CNTN4: variants seen among roughly 807,000 people sequenced by gnomAD.
The protein encoded by CNTN4 is contactin-4.
CNTN4 carries 77 observed loss-of-function variants against 122.5 expected under a neutral mutation model. That is an observed-to-expected ratio of 0.63 (90% confidence interval 0.52 to 0.76). CNTN4 has a LOEUF of 0.76. Ranked by LOEUF, CNTN4 falls within the 30% of genes least tolerant of loss-of-function variation. CNTN4 has a pLI of 0.00. For missense variants in CNTN4, 1,256 were observed against 1,259.1 expected, an observed-to-expected ratio of 1.00 and a Z score of 0.04; for synonymous variants, 512 against 447.0, an observed-to-expected ratio of 1.15 and a Z score of -1.83.
intron 13 of CNTN4, among the ~76,000 whole-genome samples, chr3:2,938,976 C>A (rs937239902): frequency 6.6e-6 from 1 of 152,180 alleles, no homozygotes; most frequent in Non-Finnish European, 1.5e-5. Flanking sequence ...TTTGTGCCTT[C>A]TCAGTAGAGA....
At position 2,120,445 on chromosome 3, in the gene CNTN4, C is replaced by T. The variant is rs1376777481; in HGVS notation, c.-145+19806C>T. 1.3e-4 allele frequency among the ~76,000 whole-genome samples: 16 copies of T among 122,958 alleles called. 1 individual carries two copies. The highest frequency in any genetic ancestry group is 1.9e-4 in the African/African-American group (6 of 31,796). 80.7% of individuals were successfully genotyped at this position (122,958 alleles called of 152,430 possible). On this transcript the variant is annotated intron_variant, in intron 2 of 24. Coordinates refer to ENST00000418658, the MANE Select transcript of CNTN4 (RefSeq NM_175607.3). ...TTTATGCAGAGTCTCACTCTGTCGC[C>T]GAGGCTGGAATGCAGTGGCATGGTC...
chr3:2,254,688 C>G (rs1345537612), intron 2 of CNTN4, among the ~76,000 whole-genome samples: 1 of 152,150 alleles, frequency 6.6e-6, no homozygotes, highest in Non-Finnish European at 1.5e-5. Flanking sequence ...TAAATGTCTT[C>G]TTTTGAGAAG....
At position 3,043,657 on chromosome 3, in the gene CNTN4, G is replaced by A. The variant is rs1700363391; in HGVS notation, c.2764G>A (p.Asp922Asn). Reference sequence around the variant, plus strand: ...AGACTCCAAAATTATCCTGAATTGGGATCAAGTGAAGGCCCTGGATAATGA... The same window carrying A: ...AGACTCCAAAATTATCCTGAATTGGAATCAAGTGAAGGCCCTGGATAATGA... The part of the protein sequence containing the change: ...SSDSKIILNW[D>N]QVKALDNESE... Residue 922 changes from aspartate to asparagine, a missense_variant, in exon 23 of 25, where the codon GAT (aspartate) becomes AAT (asparagine). Transcript: ENST00000418658. The A allele has an allele frequency of 1.9e-6, 3 of 1,613,968 alleles. No individual in the cohort carries two copies. Among genetic ancestry groups the A allele is most frequent in the African/African-American group, 2.7e-5 (2 of 74,900 alleles).
At chr3:2,901,730 A>C (rs1039316607) in intron 11 of CNTN4, among the ~76,000 whole-genome samples, 1 of 152,200 alleles carries the variant, frequency 6.6e-6, no homozygotes, top group Non-Finnish European at 1.5e-5. Context: ...TGCTTTAGTC[A>C]AAGAGAATGG....
At chr3:2,396,066 C>A (rs913327398) in intron 3 of CNTN4, among the ~76,000 whole-genome samples, 6 of 151,504 alleles carry the variant, frequency 4.0e-5, no homozygotes, top group African/African-American at 1.5e-4. Context: ...TTAGACAAAG[C>A]CTCAGTGTCG....
At chr3:3,012,681 T>C (rs1055002583) in intron 14 of CNTN4, among the ~76,000 whole-genome samples, 5 of 152,100 alleles carry the variant, frequency 3.3e-5, no homozygotes, top group African/African-American at 1.2e-4. Context: ...CTCAAAACTT[T>C]GCATTGGCTG....
intron 12 of CNTN4, among the ~76,000 whole-genome samples, chr3:2,918,204 G>T (rs1312140194): frequency 2.6e-5 from 4 of 152,172 alleles, no homozygotes; most frequent in Non-Finnish European, 5.9e-5. Context: ...ATTGTAATAT[G>T]GTTCTGGTGA....
At chr3:2,224,737 G>GTA (rs956747170) in intron 2 of CNTN4, among the ~76,000 whole-genome samples, 2 of 152,142 alleles carry the variant, frequency 1.3e-5, no homozygotes, top group African/African-American at 4.8e-5. Context: ...ATTTACTAAA[G>GTA]TACATCCTGT....
At chr3:2,121,046 T>C (rs2033744361) in intron 2 of CNTN4, among the ~76,000 whole-genome samples, 1 of 152,026 alleles carries the variant, frequency 6.6e-6, no homozygotes, top group Non-Finnish European at 1.5e-5. Flanking sequence ...TCTAGACTCA[T>C]TGACTTTGTG....
intron 2 of CNTN4, among the ~76,000 whole-genome samples, chr3:2,308,704 G>A (rs902349967): frequency 6.6e-6 from 1 of 151,778 alleles, no homozygotes; most frequent in Non-Finnish European, 1.5e-5. Flanking sequence ...TCCCAAATTT[G>A]CTTTTAGTTT....
chr3:2,809,105 A>C (rs570761044), intron 6 of CNTN4, among the ~76,000 whole-genome samples: 1,667 of 152,314 alleles, frequency 0.011, 24 homozygotes, highest in African/African-American at 0.038. Flanking sequence ...TTGGGGAGGC[A>C]ATGGAGACAG....
chr3:2,903,604 T>A (rs1012333835), intron 12 of CNTN4, among the ~76,000 whole-genome samples: 13 of 152,210 alleles, frequency 8.5e-5, no homozygotes, highest in African/African-American at 3.1e-4. Flanking sequence ...TCTTCATTTC[T>A]GTAACTCCTT....
At chr3:2,557,713 T>G (rs935563008) in intron 3 of CNTN4, among the ~76,000 whole-genome samples, 1 of 146,858 alleles carries the variant, frequency 6.8e-6, no homozygotes, top group Non-Finnish European at 1.5e-5. Flanking sequence ...TGGGCAACAC[T>G]GCACTCCAGC....
At chr3:2,469,969 G>T (rs116324332) in intron 3 of CNTN4, among the ~76,000 whole-genome samples, 1,706 of 152,148 alleles carry the variant, frequency 0.011, 40 homozygotes, top group African/African-American at 0.039. Context: ...TAAAGAAATG[G>T]TTTTTTACAT....
intron 3 of CNTN4, among the ~76,000 whole-genome samples, chr3:2,566,765 A>G (rs2079178892): frequency 6.6e-6 from 1 of 152,232 alleles, no homozygotes; most frequent in Non-Finnish European, 1.5e-5. Context: ...TACAGAGATT[A>G]AGTGTCTTTC....
At chr3:2,963,057 A>G (rs548452427) in intron 13 of CNTN4, among the ~76,000 whole-genome samples, 2 of 152,252 alleles carry the variant, frequency 1.3e-5, no homozygotes, top group African/African-American at 4.8e-5. Flanking sequence ...AATGCTGCCC[A>G]GGATTATGTT....
At chr3:2,662,749 C>G (rs192350844) in intron 4 of CNTN4, among the ~76,000 whole-genome samples, 2 of 152,254 alleles carry the variant, frequency 1.3e-5, no homozygotes, top group East Asian at 3.9e-4. Flanking sequence ...TATTGACACC[C>G]TACGAAAAGT....
intron 2 of CNTN4, among the ~76,000 whole-genome samples, chr3:2,257,816 CACCTT>C: frequency 6.6e-6 from 1 of 152,222 alleles, no homozygotes; most frequent in South Asian, 2.1e-4. Flanking sequence ...GTAATCTTAG[CACCTT>C]GGGAGGCCGA....
chr3:2,116,847 G>T (rs1263835614), intron 2 of CNTN4, among the ~76,000 whole-genome samples: 1 of 152,100 alleles, frequency 6.6e-6, no homozygotes, highest in Admixed American at 6.5e-5. Context: ...GAATAATCCG[G>T]TTAATCGATC....
Sources: gnomAD v4.1 joint callset for allele counts (sites outside exome capture counted in the v4.1 genomes callset) on GRCh38, gnomAD v4.1.1 for gene constraint, MANE v1.5 for transcripts, NCBI Gene and HGNC (gene_info 2026-07-23, HGNC 2026-07-21) for gene names.